Variants in ATF6 observed in about 807,000 individuals in gnomAD.
ATF6 encodes activating transcription factor 6.
A neutral mutation model predicts 83.6 loss-of-function variants in ATF6; 53 were observed. The ratio of observed to expected loss-of-function variants is 0.63; its 90% CI spans 0.51 to 0.80. ATF6 has a LOEUF of 0.80. ATF6 is among the 30% of genes least tolerant of loss of function. The pLI is 0.00. For missense variants in ATF6, 744 were observed against 797.9 expected (o/e 0.93, Z 0.81); for synonymous variants, 288 against 285.8 (o/e 1.01, Z -0.08).
chr1:161,817,113 G>T (rs1385637491), intron 7 of ATF6, among the ~76,000 whole-genome samples: 1 of 152,146 alleles, frequency 6.6e-6, no homozygotes, highest in Non-Finnish European at 1.5e-5. Context: ...TTAGTATGGG[G>T]CACGTGGATT....
At chr1:161,908,444 C>T (rs1485452998) in intron 14 of ATF6, among the ~76,000 whole-genome samples, 2 of 152,130 alleles carry the variant, frequency 1.3e-5, no homozygotes. Context: ...ATGAAAGTAG[C>T]ATATTTTCTC....
chr1:161,898,573 A>T (rs1287555796), intron 14 of ATF6, among the ~76,000 whole-genome samples: 1 of 150,938 alleles, frequency 6.6e-6, no homozygotes, highest in Non-Finnish European at 1.5e-5. Context: ...TTTGAGACAG[A>T]GTCTCACTCT....
chr1:161,782,910 G>A (rs1684670379), intron 3 of ATF6, among the ~76,000 whole-genome samples: 1 of 152,186 alleles, frequency 6.6e-6, no homozygotes, highest in African/African-American at 2.4e-5. Flanking sequence ...GTGCTCCAAG[G>A]ATGGCTTGTC....
intron 4 of ATF6, among the ~76,000 whole-genome samples, chr1:161,787,943 T>A (rs909936125): frequency 6.6e-6 from 1 of 152,256 alleles, no homozygotes; most frequent in Admixed American, 6.5e-5. Flanking sequence ...CCTATTGCTC[T>A]GTGTACATCA....
rs1684549047 is a variant in ATF6, at chr1:161,777,730, T to C, written c.83-514T>C. On this transcript the variant is annotated intron_variant, in intron 1 of 15. Coordinates refer to ENST00000367942, the MANE Select transcript of ATF6 (RefSeq NM_007348.4). ...GAAATTGGAATATAGTTAGATTTGC[T>C]GAAATGAATTTGATGGTTTAGATGA... Among the ~76,000 whole-genome samples, 6 of 152,246 alleles carry C rather than the reference T, an allele frequency of 3.9e-5. No individual in the cohort carries two copies. The South Asian group carries it at 1.2e-3, about 31-fold the overall frequency.
chr1:161,784,041 A>T lies in ATF6; in HGVS notation c.299A>T (p.Tyr100Phe), dbSNP rs1183818615. 6.2e-7 allele frequency: 1 copy of T among 1,613,836 alleles called. No homozygotes were observed. Among genetic ancestry groups the T allele is most frequent in the South Asian group, 1.1e-5 (1 of 91,076 alleles). Residue 100 changes from tyrosine (Y) to phenylalanine (F), a missense_variant, in exon 4 of 16, where the codon TAT becomes TTT. Transcript: ENST00000367942. ...PQPLSPASSS[Y>F]SVSSPRSVDS... ...CCACTTTCTCCAGCCTCCTCAAGTT[A>T]TTCAGTCTCGTCTCCTCGGTCAGTG...
chr1:161,956,083 G>A (rs529642153), intron 15 of ATF6, among the ~76,000 whole-genome samples: 1 of 152,094 alleles, frequency 6.6e-6, no homozygotes, highest in East Asian at 1.9e-4. Flanking sequence ...TTAAAAAACC[G>A]CAGTTATCAG....
intron 14 of ATF6, among the ~76,000 whole-genome samples, chr1:161,893,803 T>C (rs183854915): frequency 1.3e-5 from 2 of 152,324 alleles, no homozygotes; most frequent in East Asian, 3.9e-4. Flanking sequence ...ATGTTAATCA[T>C]CTAAGACTTA....
At chr1:161,879,644 A>C (rs181112824) in intron 14 of ATF6, among the ~76,000 whole-genome samples, 1 of 152,160 alleles carries the variant, frequency 6.6e-6, no homozygotes, top group Admixed American at 6.5e-5. Context: ...TAAAGCTATT[A>C]CATAATAGCT....
intron 14 of ATF6, among the ~76,000 whole-genome samples, chr1:161,887,869 A>G (rs1380612607): frequency 6.6e-5 from 10 of 152,210 alleles, no homozygotes. Flanking sequence ...GAAAGGAGAA[A>G]CTAACCTGAA....
In ATF6 at chr1:161,851,827, G is replaced by T; in HGVS notation, c.1425G>T (p.Glu475Asp). ...GTCAGCCCCTAATTAACACAACAGA[G>T]TCTCTCAGGTGAGTGTTGTAGATTA... ...PPCQPLINTTESLRLNHELRG... is the reference protein window; with the variant it reads ...PPCQPLINTTDSLRLNHELRG... The change falls in exon 11 of 16, where the codon GAG (glutamate) becomes GAT (aspartate). Residue 475 changes from glutamate (E) to aspartate (D), a missense_variant. By Grantham distance (45) the Glu-to-Asp change is conservative (BLOSUM62 2). Transcript: ENST00000367942. 1 of 1,610,752 alleles carries T rather than the reference G, an allele frequency of 6.2e-7. No individual in the cohort carries two copies.
chr1:161,859,963 G>A (rs2101835404), intron 12 of ATF6, among the ~76,000 whole-genome samples: 1 of 151,982 alleles, frequency 6.6e-6, no homozygotes, highest in East Asian at 1.9e-4. Context: ...CTAGCTTTTG[G>A]GCTCTTTCTT....
At position 161,791,400 on chromosome 1, in the gene ATF6, T is replaced by C. The variant is rs373772438; in HGVS notation, c.355-8T>C. The C allele has an allele frequency of 6.3e-7, 1 of 1,597,534 alleles. No homozygotes were observed. The highest frequency in any genetic ancestry group is 1.8e-5 in the Admixed American group (1 of 55,318). ...TACTCATTAATTTTTGTTTTTATTA[T>C]GCTACAGGAGGAGTTGGATTTGTCT... On this transcript the variant is annotated splice_polypyrimidine_tract_variant and splice_region_variant and intron_variant, in intron 4 of 15. Transcript: ENST00000367942.
At position 161,833,456 on chromosome 1, in the gene ATF6, C is replaced by T. The variant is rs188376934; in HGVS notation, c.1187+12295C>T. ...AAGGCTTCAGAAGATCAAACTACTC[C>T]GAGCTAAAGGAGGAAGTTCGAACCA... On this transcript the variant is annotated intron_variant, in intron 9 of 15. Coordinates refer to ENST00000367942, the MANE Select transcript of ATF6 (RefSeq NM_007348.4). Among the ~76,000 whole-genome samples the T allele has an allele frequency of 7.6e-3, 1,162 of 151,984 alleles. 24 individuals are homozygous for T. Among genetic ancestry groups the T allele is most frequent in the African/African-American group, 0.027 (1,120 of 41,420 alleles).
chr1:161,790,055 T>A (rs1684841986), intron 4 of ATF6, among the ~76,000 whole-genome samples: 1 of 152,196 alleles, frequency 6.6e-6, no homozygotes, highest in Admixed American at 6.5e-5. Context: ...GACTACCATT[T>A]GCGTTTCCTT....
intron 9 of ATF6, among the ~76,000 whole-genome samples, chr1:161,830,883 C>T (rs1369942617): frequency 1.3e-5 from 2 of 152,198 alleles, no homozygotes; most frequent in Admixed American, 6.5e-5. Flanking sequence ...AGGACATAGG[C>T]AAGGGCAACG....
At chr1:161,780,038 A>G (rs1684598034) in intron 2 of ATF6, among the ~76,000 whole-genome samples, 1 of 152,036 alleles carries the variant, frequency 6.6e-6, no homozygotes, top group Admixed American at 6.5e-5. Context: ...ACACCTGGCT[A>G]AGGCTGCTTA....
intron 14 of ATF6, among the ~76,000 whole-genome samples, chr1:161,877,114 C>G (rs1246093991): frequency 2.0e-5 from 3 of 151,962 alleles, no homozygotes; most frequent in Admixed American, 2.0e-4. Flanking sequence ...CATTATTCTA[C>G]TACTAGATCA....
At chr1:161,934,316 A>G (rs1215800532) in intron 15 of ATF6, among the ~76,000 whole-genome samples, 1 of 152,222 alleles carries the variant, frequency 6.6e-6, no homozygotes, top group East Asian at 1.9e-4. Flanking sequence ...GAAAAAAATA[A>G]GAAGCACCAA....
Sources: gnomAD v4.1 joint callset for allele counts (sites outside exome capture counted in the v4.1 genomes callset) on GRCh38, gnomAD v4.1.1 for gene constraint, MANE v1.5 for transcripts, NCBI Gene and HGNC (gene_info 2026-07-23, HGNC 2026-07-21) for gene names.